The following NAALADL1 variants were observed in gnomAD, a reference collection of about 807,000 sequenced individuals.
The protein encoded by NAALADL1 is N-acetylated alpha-linked acidic dipeptidase like 1.
Under a neutral mutation model 82.8 loss-of-function variants are expected in NAALADL1, and 77 were observed. The ratio of observed to expected loss-of-function variants is 0.93; its 90% confidence interval spans 0.77 to 1.12. The LOEUF (loss-of-function observed/expected upper bound fraction) is 1.12, where lower values mean the gene tolerates loss of function less well. Ranked by LOEUF, NAALADL1 falls within the 50% of genes most tolerant of loss-of-function variation. The pLI, the probability that NAALADL1 is intolerant of heterozygous loss-of-function variation, is 0.00. For synonymous variants in NAALADL1, 358 were observed against 399.2 expected (o/e 0.90, Z 1.23); for missense variants, 956 against 964.0 (o/e 0.99, Z 0.11).
Position 65,054,543 on chromosome 11 carries a change from AAG to A in NAALADL1, c.797_798del (p.Ser266PhefsTer31), listed in dbSNP as rs1046609968. 6.2e-7 allele frequency: 1 copy of A among 1,613,856 alleles called. No individual in the cohort carries two copies. Among genetic ancestry groups the A allele is most frequent in the Non-Finnish European group, 8.5e-7 (1 of 1,179,962 alleles). ...PLTPYLPAVP[S>X]SFRVDLANVS... ...ACATTGGCAAGGTCCACGCGGAAGGAAGAGGGGACGGCTGGAAGGTAGGGAGT... is the reference window on the plus strand; with the variant it reads ...ACATTGGCAAGGTCCACGCGGAAGGAAGGGGACGGCTGGAAGGTAGGGAGT... On this transcript the variant is annotated frameshift_variant, in exon 5 of 18. Coordinates refer to ENST00000358658, the MANE Select transcript of NAALADL1 (RefSeq NM_005468.3). LOFTEE classifies it high-confidence loss of function. This position sits in a 1 kb window ranked among gnomAD's most constrained non-coding sequence, Gnocchi z 4.3.
chr11:65,056,698 C>T (rs531830444), intron 4 of NAALADL1, among the ~76,000 whole-genome samples: 12 of 149,742 alleles, frequency 8.0e-5, no homozygotes, highest in South Asian at 2.1e-4. Context: ...TGAGCCACCA[C>T]GCCCATGCCC....
chr11:65,047,789 C>G, intron 11 of NAALADL1, 51 bp from the exon 12 acceptor site: 1 of 1,543,610 alleles, frequency 6.5e-7, no homozygotes, highest in South Asian at 1.2e-5. Flanking sequence ...CCAGCCCCAA[C>G]AACAGGGCGG....
At position 65,046,066 on chromosome 11, in the gene NAALADL1, A is replaced by C. The variant is rs755448602; in HGVS notation, c.1904T>G (p.Leu635Trp). 1 of 1,614,070 alleles carries C rather than the reference A, an allele frequency of 6.2e-7. No homozygotes were observed. Among genetic ancestry groups the C allele is most frequent in the Non-Finnish European group, 8.5e-7 (1 of 1,180,002 alleles). ...VEKFEAEAAA[L>W]GQRISTLQKG... The stretch of plus-strand genomic sequence containing the variant: ...CTGCAGTGTTGATATGCGTTGGCCC[A>C]AGGCTGCAGCTTCTGCCTCAAACTT... The change falls in exon 16 of 18, where the codon TTG (leucine) becomes TGG (tryptophan). Residue 635 changes from leucine (L) to tryptophan (W), a missense_variant. Leu to Trp is a moderately conservative substitution (Grantham distance 61). Coordinates refer to ENST00000358658, the MANE Select transcript of NAALADL1 (RefSeq NM_005468.3).
Position 65,045,146 on chromosome 11 carries a change from C to A in NAALADL1, c.*125G>T. 2 of 1,090,846 alleles carry A rather than the reference C, an allele frequency of 1.8e-6. No homozygotes were observed. The highest frequency in any genetic ancestry group is 2.6e-6 in the Non-Finnish European group (2 of 772,040). The allele number at this position is 1,090,846 out of a possible 1,614,324, so 67.6% of individuals were successfully genotyped here. On this transcript the variant is annotated 3_prime_UTR_variant, in exon 18 of 18. Coordinates refer to ENST00000358658, the MANE Select transcript of NAALADL1 (RefSeq NM_005468.3). ...TCCCCTCAGGGACCTCAAGCTGTTG[C>A]CTGAGAAGCTTGAGAGGGTCCTGTG...
At chr11:65,057,260 G>T (rs1947063668) in intron 4 of NAALADL1, 111 bp downstream of exon 4, 2 of 1,453,592 alleles carry the variant, frequency 1.4e-6, no homozygotes, top group South Asian at 2.9e-5. Context: ...CCTGGGGCTT[G>T]GTTCCCCACT....
chr11:65,054,505 G>C lies in NAALADL1; in HGVS notation c.837C>G (p.Pro279=). Residue 279 remains proline, a synonymous_variant, in exon 5 of 18, where the codon CCC becomes CCG. Coordinates refer to ENST00000358658, the MANE Select transcript of NAALADL1 (RefSeq NM_005468.3). The surrounding 1 kb of genome is among the most constrained non-coding windows in gnomAD (Gnocchi z 4.3). ...RVDLANVSGF[P]PIPTQPIGFQ... The stretch of plus-strand genomic sequence containing the variant: ...AGCCAATGGGCTGTGTAGGAATTGG[G>C]GGAAATCCGGAGACATTGGCAAGGT... 6 of 1,613,962 alleles carry C rather than the reference G, an allele frequency of 3.7e-6. No individual in the cohort carries two copies. Among genetic ancestry groups the C allele is most frequent in the Non-Finnish European group, 5.1e-6 (6 of 1,179,988 alleles).
In NAALADL1 at chr11:65,045,122, C is replaced by T; in HGVS notation, c.*149G>A. On this transcript the variant is annotated 3_prime_UTR_variant, in exon 18 of 18. Coordinates refer to ENST00000358658, the MANE Select transcript of NAALADL1 (RefSeq NM_005468.3). The stretch of plus-strand genomic sequence containing the variant: ...GTGAGTTGCATTAGGGCTTGCCACT[C>T]CCCTCAGGGACCTCAAGCTGTTGCC... 1.2e-6 allele frequency: 1 copy of T among 868,256 alleles called. No homozygotes were observed. Among genetic ancestry groups the T allele is most frequent in the Non-Finnish European group, 1.7e-6 (1 of 576,020 alleles). The allele number at this position is 868,256 out of a possible 1,614,324, so 53.8% of individuals were successfully genotyped here. A position where few individuals can be genotyped will look rare whatever the true frequency, so the allele number is the denominator to read the frequency against.
intron 4 of NAALADL1, among the ~76,000 whole-genome samples, chr11:65,056,968 C>T (rs1033178264): frequency 4.6e-5 from 7 of 152,098 alleles, no homozygotes; most frequent in South Asian, 2.1e-4. Flanking sequence ...CTGCCCACTT[C>T]GGCCTCCCAA....
intron 13 of NAALADL1, among the ~76,000 whole-genome samples, chr11:65,047,191 C>T (rs925447036): frequency 6.6e-6 from 1 of 152,098 alleles, no homozygotes; most frequent in African/African-American, 2.4e-5. Flanking sequence ...TGGCAGAGGC[C>T]GGGCACCAAG....
In NAALADL1 at chr11:65,053,547, AG is replaced by A; in HGVS notation, c.1021del (p.Leu341TrpfsTer3). ...SQVNVSVYNR[L>X]ELRNSSNVLG... ...GACGTTGGAAGAGTTCCTCAGCTCC[AG>A]GCGGTTGTAGACGCTCACATTCACC... On this transcript the variant is annotated frameshift_variant, in exon 7 of 18. Transcript: ENST00000358658. LOFTEE classifies it high-confidence loss of function. The surrounding 1 kb of genome is among the most constrained non-coding windows in gnomAD (Gnocchi z 4.3). The A allele has an allele frequency of 6.2e-7, 1 of 1,610,612 alleles. No homozygotes were observed. The highest frequency in any genetic ancestry group is 8.5e-7 in the Non-Finnish European group (1 of 1,178,026).
In NAALADL1 at chr11:65,053,917, G is replaced by A. The variant is rs1032924523; in HGVS notation, c.992+333C>T. Among the ~76,000 whole-genome samples the A allele has an allele frequency of 6.6e-6, 1 of 152,178 alleles. No individual in the cohort carries two copies. The highest frequency in any genetic ancestry group is 1.5e-5 in the Non-Finnish European group (1 of 68,024). On this transcript the variant is annotated intron_variant, in intron 6 of 17. Coordinates refer to ENST00000358658, the MANE Select transcript of NAALADL1 (RefSeq NM_005468.3). The surrounding 1 kb of genome is among the most constrained non-coding windows in gnomAD (Gnocchi z 4.3). ...GGAGAGGGCACCTGGAGGCCAGTGGGTGCTGTAGGGAGGGAGGTTGGTGCA... is the reference window on the plus strand; with the variant it reads ...GGAGAGGGCACCTGGAGGCCAGTGGATGCTGTAGGGAGGGAGGTTGGTGCA...
intron 3 of NAALADL1, 64 bp from the exon 4 acceptor site, chr11:65,057,557 T>C (rs1590774181): frequency 1.2e-5 from 18 of 1,549,748 alleles, no homozygotes; most frequent in Non-Finnish European, 1.6e-5. Context: ...GGAAGGGGGG[T>C]GGAAGTTTGC....
Position 65,053,690 on chromosome 11 carries a change from G to A in NAALADL1, c.993-114C>T, listed in dbSNP as rs1946956056. ...AGTGACGTGGCAAGGCCATTCATTG[G>A]CCCCGAAGTACCAAGAGAGGCAGCA... On this transcript the variant is annotated intron_variant, in intron 6 of 17. Transcript: ENST00000358658. This position sits in a 1 kb window ranked among gnomAD's most constrained non-coding sequence, Gnocchi z 4.3. The A allele has an allele frequency of 1.1e-6, 1 of 913,250 alleles. No homozygotes were observed. Among genetic ancestry groups the A allele is most frequent in the Non-Finnish European group, 1.6e-6 (1 of 608,598 alleles). 56.6% of individuals were successfully genotyped at this position (913,250 alleles called of 1,614,324 possible). A position where few individuals can be genotyped will look rare whatever the true frequency, so the allele number is the denominator to read the frequency against.
At chr11:65,051,337 T>C (rs891695996) in intron 8 of NAALADL1, among the ~76,000 whole-genome samples, 13 of 121,762 alleles carry the variant, frequency 1.1e-4, no homozygotes, top group Non-Finnish European at 1.8e-4. Flanking sequence ...TTTTTTTTTT[T>C]TTTTTTTTTT....
At chr11:65,057,825 G>A in intron 3 of NAALADL1, 50 bp downstream of exon 3, 6 of 1,607,180 alleles carry the variant, frequency 3.7e-6, no homozygotes, top group Non-Finnish European at 5.1e-6. Context: ...AGAACCCTGG[G>A]TGGAACCAAG....
chr11:65,050,930 G>A lies in NAALADL1; in HGVS notation c.1198+2288C>T, dbSNP rs113050594. ...TGGTCTTAAACTCTTGGGCTCAAGC[G>A]ATCCTCCTGCCTCTGCCTCCCAACG... On this transcript the variant is annotated intron_variant, in intron 8 of 17. Coordinates refer to ENST00000358658, the MANE Select transcript of NAALADL1 (RefSeq NM_005468.3). Among the ~76,000 whole-genome samples the A allele has an allele frequency of 9.4e-3, 1,428 of 152,006 alleles. 27 individuals carry two copies. The highest frequency in any genetic ancestry group is 0.032 in the African/African-American group (1,308 of 41,440).
chr11:65,057,280 C>T, intron 4 of NAALADL1, 91 bp downstream of exon 4: 2 of 1,489,820 alleles, frequency 1.3e-6, no homozygotes, highest in South Asian at 2.7e-5. Context: ...TCAACACTGC[C>T]TCTTCTCCTT....
chr11:65,057,297 C>A, intron 4 of NAALADL1, 74 bp downstream of exon 4: 1 of 1,513,470 alleles, frequency 6.6e-7, no homozygotes, highest in Non-Finnish European at 8.8e-7. Flanking sequence ...CCTTCCCCTT[C>A]CCCTCACTTC....
At position 65,053,087 on chromosome 11, in the gene NAALADL1, G is replaced by A. The variant is rs190670667; in HGVS notation, c.1198+131C>T. On this transcript the variant is annotated intron_variant, in intron 8 of 17. Transcript: ENST00000358658. This position sits in a 1 kb window ranked among gnomAD's most constrained non-coding sequence, Gnocchi z 4.3. ...TGGGCTGCTGCAGGCCAAGGCTGGT[G>A]TCATGCATGTCTGCCCCCAGGGCCC... 7 of 1,189,778 alleles carry A rather than the reference G, an allele frequency of 5.9e-6. No homozygotes were observed. Among genetic ancestry groups the A allele is most frequent in the African/African-American group, 1.5e-5 (1 of 65,646 alleles). The allele number at this position is 1,189,778 out of a possible 1,614,324, so 73.7% of individuals were successfully genotyped here. A position where few individuals can be genotyped will look rare whatever the true frequency, so the allele number is the denominator to read the frequency against.
Sources: gnomAD v4.1 joint callset for allele counts (sites outside exome capture counted in the v4.1 genomes callset) on GRCh38, gnomAD v4.1.1 for gene constraint, Gnocchi (gnomAD v3.1) non-coding constraint, MANE v1.5 for transcripts, NCBI Gene and HGNC (gene_info 2026-07-23, HGNC 2026-07-21) for gene names.